Variants in LIFR observed in about 807,000 individuals in gnomAD.
The protein encoded by LIFR is leukemia inhibitory factor receptor.
A neutral mutation model predicts 122.2 loss-of-function variants in LIFR; 84 were observed. That is an observed-to-expected ratio of 0.69 (90% CI 0.58 to 0.82). The LOEUF (loss-of-function observed/expected upper bound fraction) is 0.82. LIFR is among the 40% of genes least tolerant of loss of function. The probability of loss-of-function intolerance (pLI) is 0.00; values close to 1 mark genes in which losing one functional copy is unlikely to be tolerated. For synonymous variants in LIFR, 422 were observed against 434.7 expected, an observed-to-expected ratio of 0.97 and a Z score of 0.36; for missense variants, 1,294 against 1,311.6, an observed-to-expected ratio of 0.99 and a Z score of 0.21.
chr5:38,537,891 C>T (rs1045811332), intron 1 of LIFR, among the ~76,000 whole-genome samples: 2 of 152,076 alleles, frequency 1.3e-5, no homozygotes, highest in African/African-American at 4.8e-5. Flanking sequence ...CAAATAGATT[C>T]CCCAATCGCT....
chr5:38,590,487 G>A (rs961871222), intron 1 of LIFR, among the ~76,000 whole-genome samples: 1 of 152,168 alleles, frequency 6.6e-6, no homozygotes, highest in Non-Finnish European at 1.5e-5. Context: ...TAAAGCAGTG[G>A]TCCTGTGATA....
intron 1 of LIFR, among the ~76,000 whole-genome samples, chr5:38,541,494 T>C (rs540642832): frequency 1.3e-4 from 20 of 152,330 alleles, no homozygotes; most frequent in African/African-American, 4.3e-4. Flanking sequence ...ACATGAAAGA[T>C]GAGTATTAGC....
chr5:38,563,395 A>G (rs550454494), intron 1 of LIFR, among the ~76,000 whole-genome samples: 179 of 152,300 alleles, frequency 1.2e-3, no homozygotes, highest in African/African-American at 4.0e-3. Flanking sequence ...TCAGGTTGGG[A>G]GATTAATATT....
rs535278572 is a variant in LIFR, at chr5:38,492,790, T to C, written c.2065+816A>G. Among the ~76,000 whole-genome samples the C allele has an allele frequency of 2.0e-5, 3 of 152,230 alleles. No homozygotes were observed. In the East Asian group the frequency reaches 5.8e-4, roughly 29 times the overall value. ...ACGCGAGGGAGGCAGGAGACAGGAA[T>C]GATCACGAAGCATCACTACTGACAA... On this transcript the variant is annotated intron_variant, in intron 14 of 19. Coordinates refer to ENST00000453190, the MANE Select transcript of LIFR (RefSeq NM_001127671.2).
intron 2 of LIFR, among the ~76,000 whole-genome samples, chr5:38,529,049 C>T (rs1660778697): frequency 6.7e-6 from 1 of 149,962 alleles, no homozygotes; most frequent in Admixed American, 6.7e-5. Flanking sequence ...TTTCTTTTTG[C>T]AGCTTTGGTT....
At chr5:38,540,722 TTTA>T (rs1171097591) in intron 1 of LIFR, among the ~76,000 whole-genome samples, 5 of 152,016 alleles carry the variant, frequency 3.3e-5, no homozygotes, top group East Asian at 1.9e-4. Flanking sequence ...TTTAGTTTTT[TTTA>T]TTATTATTAT....
At chr5:38,592,516 G>A (rs932531790) in intron 1 of LIFR, among the ~76,000 whole-genome samples, 1 of 151,976 alleles carries the variant, frequency 6.6e-6, no homozygotes, top group African/African-American at 2.4e-5. Flanking sequence ...AATTAGCCAG[G>A]TGTGGTGGCA....
chr5:38,562,788 C>T (rs1225157296), intron 1 of LIFR, among the ~76,000 whole-genome samples: 2 of 152,126 alleles, frequency 1.3e-5, no homozygotes, highest in South Asian at 2.1e-4. Context: ...ATGTACAAAA[C>T]CAAAAAACCT....
Position 38,593,800 on chromosome 5 carries a change from T to C in LIFR, c.-20+1461A>G, listed in dbSNP as rs1750009709. ...CAGACAGCTCCCTTGTCCCTTTTGC[T>C]ATGTGAAGACATGATAAGAAAACGG... On this transcript the variant is annotated intron_variant, in intron 1 of 19. Transcript: ENST00000263409. 2.0e-5 allele frequency among the ~76,000 whole-genome samples: 3 copies of C among 152,152 alleles called. No individual in the cohort carries two copies. The South Asian group carries it at 6.2e-4, about 32-fold the overall frequency.
At chr5:38,570,266 C>A (rs1304063508) in intron 1 of LIFR, among the ~76,000 whole-genome samples, 1 of 152,142 alleles carries the variant, frequency 6.6e-6, no homozygotes, top group Non-Finnish European at 1.5e-5. Flanking sequence ...TAAGTGTTGG[C>A]TTATAATGGT....
intron 1 of LIFR, among the ~76,000 whole-genome samples, chr5:38,580,847 T>A (rs1388455696): frequency 6.6e-6 from 1 of 152,104 alleles, no homozygotes; most frequent in African/African-American, 2.4e-5. Flanking sequence ...TGCAGCCCCA[T>A]AAATATGAGA....
At chr5:38,586,773 G>A (rs1207992397) in intron 1 of LIFR, among the ~76,000 whole-genome samples, 1 of 151,842 alleles carries the variant, frequency 6.6e-6, no homozygotes, top group African/African-American at 2.4e-5. Flanking sequence ...GCCATTTTCT[G>A]TGTTGCTTCC....
intron 1 of LIFR, among the ~76,000 whole-genome samples, chr5:38,539,934 T>C (rs1747496351): frequency 6.6e-6 from 1 of 152,232 alleles, no homozygotes; most frequent in African/African-American, 2.4e-5. Context: ...ATAAGGTCGG[T>C]ATTATTCATA....
At chr5:38,576,713 G>T (rs1276708597) in intron 1 of LIFR, among the ~76,000 whole-genome samples, 3 of 152,198 alleles carry the variant, frequency 2.0e-5, no homozygotes, top group Non-Finnish European at 2.9e-5. Flanking sequence ...TCACAATAGT[G>T]TCAGCAGGGA....
chr5:38,530,635 A>C lies in LIFR; in HGVS notation c.13T>G (p.Tyr5Asp), dbSNP rs777478508. The C allele has an allele frequency of 1.9e-6, 3 of 1,613,846 alleles. No individual in the cohort carries two copies. The highest frequency in any genetic ancestry group is 1.7e-6 in the Non-Finnish European group (2 of 1,179,762). ...CAGGATGGTCGTTTCAAACATACGT[A>C]AATATCCATCATCTGTGCAATGCAG... MMDIYVCLKRPSWMV... is the reference protein window; with the variant it reads MMDIDVCLKRPSWMV... The change falls in exon 2 of 20, where the codon TAC (tyrosine) becomes GAC (aspartate). Residue 5 changes from tyrosine (Y) to aspartate (D), a missense_variant. Transcript: ENST00000453190.
In LIFR at chr5:38,593,053, A is replaced by G. The variant is rs566788923; in HGVS notation, c.-20+2208T>C. On this transcript the variant is annotated intron_variant, in intron 1 of 19. Transcript: ENST00000263409. The stretch of plus-strand genomic sequence containing the variant: ...CCCTGTCTCTACTAAAATTACAAAA[A>G]TTAGCCAGGCATGGTGGTGCACGCC... Among the ~76,000 whole-genome samples, 204 of 152,254 alleles carry G rather than the reference A, an allele frequency of 1.3e-3. 1 individual carries two copies. The highest frequency in any genetic ancestry group is 4.7e-3 in the African/African-American group (195 of 41,544).
At chr5:38,525,530 T>C (rs1443371135) in intron 4 of LIFR, among the ~76,000 whole-genome samples, 2 of 152,060 alleles carry the variant, frequency 1.3e-5, no homozygotes, top group East Asian at 3.9e-4. Context: ...ATTTGGCCAA[T>C]ACAGTGTTCA....
chr5:38,492,862 A>ATG (rs1744669607), intron 14 of LIFR, among the ~76,000 whole-genome samples: 1 of 152,156 alleles, frequency 6.6e-6, no homozygotes, highest in South Asian at 2.1e-4. Flanking sequence ...ATACACTCCC[A>ATG]TTGTGCCAGG....
intron 19 of LIFR, 36 bp downstream of exon 19, chr5:38,482,553 C>A: frequency 1.9e-6 from 2 of 1,051,476 alleles, no homozygotes; most frequent in Admixed American, 2.3e-5. Context: ...AAGAAGCCAG[C>A]ACATCAAAGA....
Sources: gnomAD v4.1 joint callset for allele counts (sites outside exome capture counted in the v4.1 genomes callset) on GRCh38, gnomAD v4.1.1 for gene constraint, MANE v1.5 for transcripts, NCBI Gene and HGNC (gene_info 2026-07-23, HGNC 2026-07-21) for gene names.